The following HNMT variants were observed in gnomAD, a reference collection of about 807,000 sequenced individuals.
The protein encoded by HNMT is histamine N-methyltransferase.
HNMT carries 30 observed loss-of-function variants against 32.1 expected under a neutral mutation model. The observed-to-expected ratio is 0.93, with a 90% confidence interval of 0.70 to 1.27. HNMT has a LOEUF of 1.27. Among genes scored for constraint, HNMT ranks in the 50% most tolerant of loss-of-function variants. The probability of loss-of-function intolerance (pLI) is 0.00; values close to 1 mark genes in which losing one functional copy is unlikely to be tolerated. For synonymous variants in HNMT, 125 were observed against 119.0 expected, an observed-to-expected ratio of 1.05 and a Z score of -0.33; for missense variants, 327 against 346.0, an observed-to-expected ratio of 0.95 and a Z score of 0.43.
intron 2 of HNMT, among the ~76,000 whole-genome samples, chr2:137,986,159 T>G: frequency 6.6e-6 from 1 of 151,388 alleles, no homozygotes; most frequent in Non-Finnish European, 1.5e-5. Flanking sequence ...GAATAGTCAC[T>G]TGCATACAAA....
chr2:137,970,727 T>G (rs1680097210), intron 2 of HNMT, among the ~76,000 whole-genome samples: 2 of 152,004 alleles, frequency 1.3e-5, no homozygotes, highest in Admixed American at 6.5e-5. Flanking sequence ...GAGACCATCC[T>G]GGCTAACGCG....
At chr2:138,000,527 G>C (rs568439867) in intron 2 of HNMT, among the ~76,000 whole-genome samples, 1 of 149,726 alleles carries the variant, frequency 6.7e-6, no homozygotes, top group East Asian at 2.0e-4. Context: ...TTTTTTTTTC[G>C]TATTTTAATA....
intron 1 of HNMT, 90 bp downstream of exon 1, chr2:137,964,718 G>C: frequency 1.5e-6 from 2 of 1,337,094 alleles, no homozygotes; most frequent in Non-Finnish European, 2.1e-6. Flanking sequence ...TCGCAGGCTG[G>C]GCACAGGGAT....
At chr2:138,007,325 A>C (rs913657546) in intron 5 of HNMT, among the ~76,000 whole-genome samples, 3 of 151,982 alleles carry the variant, frequency 2.0e-5, no homozygotes, top group Admixed American at 6.6e-5. Flanking sequence ...AAAATAAATA[A>C]ATTAAATATA....
Position 138,016,296 on chromosome 2 carries a change from T to C in HNMT, c.*2166T>C, listed in dbSNP as rs1681662327. The C allele has an allele frequency of 6.6e-6, 1 of 152,142 alleles. No homozygotes were observed. Among genetic ancestry groups the C allele is most frequent in the African/African-American group, 2.4e-5 (1 of 41,432 alleles). 9.4% of individuals were successfully genotyped at this position (152,142 alleles called of 1,614,324 possible). A position where few individuals can be genotyped will look rare whatever the true frequency, so the allele number is the denominator to read the frequency against. On this transcript the variant is annotated 3_prime_UTR_variant, in exon 6 of 6. Coordinates refer to ENST00000280097, the MANE Select transcript of HNMT (RefSeq NM_006895.3). ...ATTTATCTTATACCTTGTGTGTTCATATTATTATTATAAACAGAGCTCAAG... is the reference window on the plus strand; with the variant it reads ...ATTTATCTTATACCTTGTGTGTTCACATTATTATTATAAACAGAGCTCAAG...
chr2:137,970,691 G>C (rs1024693125), intron 2 of HNMT, among the ~76,000 whole-genome samples: 3 of 151,884 alleles, frequency 2.0e-5, no homozygotes, highest in South Asian at 4.1e-4. Flanking sequence ...GAGGCTGAGG[G>C]GGGCGGATCA....
rs199690596 is a variant in HNMT at position 138,006,886 on chromosome 2, G to A, written c.523+1661G>A. Among the ~76,000 whole-genome samples, 9 of 151,930 alleles carry A rather than the reference G, an allele frequency of 5.9e-5. No individual in the cohort carries two copies. The East Asian group carries it at 9.7e-4, about 16-fold the overall frequency. On this transcript the variant is annotated intron_variant, in intron 5 of 5. Coordinates refer to ENST00000280097, the MANE Select transcript of HNMT (RefSeq NM_006895.3). Reference sequence around the variant, plus strand: ...GCATTCATCATAAAAAAAATCAAAAGAAAGGGAGTAAAGACTCAACAATCA... The same window carrying A: ...GCATTCATCATAAAAAAAATCAAAAAAAAGGGAGTAAAGACTCAACAATCA...
rs1681605455 is a variant in HNMT at position 138,014,517 on chromosome 2, C to A, written c.*387C>A. The stretch of plus-strand genomic sequence containing the variant: ...AGTATGCACTAATCAATACTTTGAA[C>A]ACAAAGCCTGTGTTACTGATTTGGC... On this transcript the variant is annotated 3_prime_UTR_variant, in exon 6 of 6. Transcript: ENST00000280097. The A allele has an allele frequency of 6.3e-6, 1 of 159,992 alleles. No individual in the cohort carries two copies. The highest frequency in any genetic ancestry group is 2.4e-5 in the African/African-American group (1 of 41,640). 9.9% of individuals were successfully genotyped at this position (159,992 alleles called of 1,614,324 possible).
Position 138,005,184 on chromosome 2 carries a change from T to C in HNMT, c.482T>C (p.Leu161Pro), listed in dbSNP as rs1421461676. 2 of 1,604,736 alleles carry C rather than the reference T, an allele frequency of 1.2e-6. No homozygotes were observed. Among genetic ancestry groups the C allele is most frequent in the Non-Finnish European group, 1.7e-6 (2 of 1,172,040 alleles). ...IPATLKFFHS[L>P]LGTNAKMLII... Reference sequence around the variant, plus strand: ...GCTACCCTGAAATTCTTCCATAGTCTCTTAGGTACCAATGCTAAGATGCTC... The same window carrying C: ...GCTACCCTGAAATTCTTCCATAGTCCCTTAGGTACCAATGCTAAGATGCTC... The change falls in exon 5 of 6, where the codon CTC becomes CCC. Residue 161 changes from leucine (L) to proline (P), a missense_variant. Physicochemically the swap from Leu to Pro is moderately conservative, Grantham distance 98. Coordinates refer to ENST00000280097, the MANE Select transcript of HNMT (RefSeq NM_006895.3).
At chr2:138,004,076 C>T (rs751152520) in intron 4 of HNMT, among the ~76,000 whole-genome samples, 59 of 151,978 alleles carry the variant, frequency 3.9e-4, no homozygotes, top group Non-Finnish European at 8.4e-4. Flanking sequence ...TCTTATGATA[C>T]TTTTACAACC....
chr2:138,004,084 A>G (rs1681262701), intron 4 of HNMT, among the ~76,000 whole-genome samples: 1 of 151,672 alleles, frequency 6.6e-6, no homozygotes, highest in Non-Finnish European at 1.5e-5. Context: ...TACTTTTACA[A>G]CCTCACTGTC....
rs1681293086 is a variant in HNMT at position 138,005,190 on chromosome 2, G to T, written c.488G>T (p.Gly163Val). The stretch of plus-strand genomic sequence containing the variant: ...CTGAAATTCTTCCATAGTCTCTTAG[G>T]TACCAATGCTAAGATGCTCATTATT... ...ATLKFFHSLL[G>V]TNAKMLIIVV... The change falls in exon 5 of 6, where the codon GGT becomes GTT. Residue 163 changes from glycine (G) to valine (V), a missense_variant. Transcript: ENST00000280097. 5.0e-6 allele frequency: 8 copies of T among 1,600,790 alleles called. No individual in the cohort carries two copies. Among genetic ancestry groups the T allele is most frequent in the Non-Finnish European group, 6.8e-6 (8 of 1,168,610 alleles).
chr2:137,970,542 G>C (rs1680088965), intron 2 of HNMT, among the ~76,000 whole-genome samples: 1 of 152,068 alleles, frequency 6.6e-6, no homozygotes, highest in Non-Finnish European at 1.5e-5. Context: ...CTCATAATAA[G>C]CTTCTTAAGT....
At chr2:138,001,117 T>A in intron 3 of HNMT, 92 bp downstream of exon 3, 1 of 595,838 alleles carries the variant, frequency 1.7e-6, no homozygotes, top group Non-Finnish European at 2.9e-6. Flanking sequence ...ATAGTTACTG[T>A]GGTATGCTTT....
chr2:137,970,030 T>C lies in HNMT; in HGVS notation c.138-135T>C, dbSNP rs919650667. 5 of 528,328 alleles carry C rather than the reference T, an allele frequency of 9.5e-6. No individual in the cohort carries two copies. The African/African-American group carries it at 9.7e-5, about 10-fold the overall frequency. 32.7% of individuals were successfully genotyped at this position (528,328 alleles called of 1,614,324 possible). On this transcript the variant is annotated intron_variant, in intron 1 of 5. Transcript: ENST00000280097. ...TCTAAAGATGGCAATATAACTGATATAATTGGGACATTTCATGTTGGCCTA... is the reference window on the plus strand; with the variant it reads ...TCTAAAGATGGCAATATAACTGATACAATTGGGACATTTCATGTTGGCCTA...
chr2:137,986,041 T>C (rs1352015831), intron 2 of HNMT, among the ~76,000 whole-genome samples: 5 of 151,830 alleles, frequency 3.3e-5, no homozygotes, highest in Admixed American at 2.0e-4. Flanking sequence ...GGTACTAGTG[T>C]TAGTGGTAAA....
intron 2 of HNMT, among the ~76,000 whole-genome samples, chr2:137,979,790 G>A (rs938089530): frequency 1.3e-5 from 2 of 152,046 alleles, no homozygotes; most frequent in African/African-American, 4.8e-5. Flanking sequence ...AGTTTAGGAA[G>A]CAGTGAGATG....
At chr2:137,984,304 G>A (rs929950256) in intron 2 of HNMT, among the ~76,000 whole-genome samples, 2 of 152,200 alleles carry the variant, frequency 1.3e-5, no homozygotes, top group African/African-American at 4.8e-5. Flanking sequence ...AGTCCCCATA[G>A]TGGCTGCTCC....
At chr2:137,968,795 CTTACT>C (rs1680035365) in intron 1 of HNMT, among the ~76,000 whole-genome samples, 1 of 152,146 alleles carries the variant, frequency 6.6e-6, no homozygotes, top group African/African-American at 2.4e-5. Flanking sequence ...CCTTTAGAAC[CTTACT>C]TCAATTTTTG....
Sources: gnomAD v4.1 joint callset for allele counts (sites outside exome capture counted in the v4.1 genomes callset) on GRCh38, gnomAD v4.1.1 for gene constraint, MANE v1.5 for transcripts, NCBI Gene and HGNC (gene_info 2026-07-23, HGNC 2026-07-21) for gene names.